NCAM2: variants seen among roughly 807,000 people sequenced by gnomAD.
NCAM2 encodes N-CAM-2.
In NCAM2, 30 loss-of-function variants were observed where a neutral mutation model predicts 98.1. The observed-to-expected ratio is 0.31, with a 90% CI of 0.23 to 0.41. The LOEUF (loss-of-function observed/expected upper bound fraction) is 0.41, where lower values mean the gene tolerates loss of function less well. Among genes scored for constraint, NCAM2 ranks in the 10% least tolerant of loss-of-function variants. The probability of loss-of-function intolerance (pLI) is 1.00; values close to 1 mark genes in which losing one functional copy is unlikely to be tolerated. For synonymous variants in NCAM2, 368 were observed against 342.4 expected (o/e 1.07, Z -0.83); for missense variants, 867 against 1,005.8 (o/e 0.86, Z 1.87).
intron 15 of NCAM2, among the ~76,000 whole-genome samples, chr21:21,491,091 T>C (rs949132700): frequency 6.6e-6 from 1 of 151,816 alleles, no homozygotes; most frequent in Non-Finnish European, 1.5e-5. Flanking sequence ...TAGGAGCAGG[T>C]AATAAACTTA....
At chr21:21,220,781 G>T (rs962346361) in intron 1 of NCAM2, among the ~76,000 whole-genome samples, 4 of 152,164 alleles carry the variant, frequency 2.6e-5, no homozygotes, top group Admixed American at 6.5e-5. Context: ...TGGGGCCTTA[G>T]ATTCTGCATT....
intron 16 of NCAM2, among the ~76,000 whole-genome samples, chr21:21,517,268 T>C (rs544731792): frequency 5.3e-5 from 8 of 152,344 alleles, no homozygotes; most frequent in African/African-American, 1.9e-4. Context: ...ATTTGTCATA[T>C]TCTTATATCC....
chr21:21,182,520 C>G (rs1448169841), intron 1 of NCAM2, among the ~76,000 whole-genome samples: 3 of 152,112 alleles, frequency 2.0e-5, no homozygotes, highest in Non-Finnish European at 4.4e-5. Flanking sequence ...CTTTGATATT[C>G]ATCTCTATTA....
chr21:21,416,296 G>T (rs2076992380), intron 10 of NCAM2, among the ~76,000 whole-genome samples: 1 of 152,056 alleles, frequency 6.6e-6, no homozygotes, highest in Non-Finnish European at 1.5e-5. Context: ...CACAGTTTGT[G>T]GTTCTCCAAA....
chr21:21,383,345 A>G (rs540291053), intron 9 of NCAM2, among the ~76,000 whole-genome samples: 39 of 152,218 alleles, frequency 2.6e-4, no homozygotes, highest in African/African-American at 8.9e-4. Flanking sequence ...CAGAATTTTG[A>G]CATACCCTTC....
At chr21:21,438,595 G>A (rs998408831) in intron 12 of NCAM2, among the ~76,000 whole-genome samples, 30 of 152,308 alleles carry the variant, frequency 2.0e-4, no homozygotes, top group African/African-American at 7.2e-4. Context: ...TTCATTTTGA[G>A]TGAGAAACAT....
chr21:21,266,874 AAAT>A (rs1292783457), intron 1 of NCAM2, among the ~76,000 whole-genome samples: 1 of 152,316 alleles, frequency 6.6e-6, no homozygotes, highest in Non-Finnish European at 1.5e-5. Flanking sequence ...GTATAATAAA[AAAT>A]AATAATAATT....
intron 1 of NCAM2, among the ~76,000 whole-genome samples, chr21:21,253,138 C>A (rs985335543): frequency 6.6e-6 from 1 of 152,022 alleles, no homozygotes; most frequent in African/African-American, 2.4e-5. Context: ...TTACTGTTAT[C>A]CTTCTTTTTA....
At chr21:21,341,978 G>C (rs557484410) in intron 8 of NCAM2, among the ~76,000 whole-genome samples, 1 of 152,130 alleles carries the variant, frequency 6.6e-6, no homozygotes, top group African/African-American at 2.4e-5. Context: ...AAAAAGGAGT[G>C]GTTAGGAAGT....
At chr21:21,322,687 C>T (rs2074407697) in intron 5 of NCAM2, among the ~76,000 whole-genome samples, 6 of 152,124 alleles carry the variant, frequency 3.9e-5, no homozygotes. Context: ...CTGAACCAAA[C>T]AAGCTGTGAC....
intron 4 of NCAM2, among the ~76,000 whole-genome samples, chr21:21,286,679 G>A (rs1235032269): frequency 1.3e-5 from 2 of 151,908 alleles, no homozygotes; most frequent in African/African-American, 4.8e-5. Context: ...AGGCATAGTT[G>A]AGAAGCTGTG....
intron 1 of NCAM2, among the ~76,000 whole-genome samples, chr21:21,057,899 C>A (rs1348295320): frequency 1.3e-5 from 2 of 152,114 alleles, no homozygotes; most frequent in Middle Eastern, 3.4e-3. Flanking sequence ...TTCCCTACCC[C>A]TTATGGAGAC....
intron 12 of NCAM2, among the ~76,000 whole-genome samples, chr21:21,440,752 A>G (rs913152775): frequency 6.6e-6 from 1 of 152,086 alleles, no homozygotes. Context: ...AAAGAAAAGA[A>G]AAAAATGGAT....
intron 1 of NCAM2, among the ~76,000 whole-genome samples, chr21:21,261,031 CA>C (rs575642426): frequency 6.7e-6 from 1 of 148,240 alleles, no homozygotes; most frequent in African/African-American, 2.5e-5. Context: ...AAATGTAAAA[CA>C]AAAAAAAGAA....
chr21:21,074,206 G>A (rs915013964), intron 1 of NCAM2, among the ~76,000 whole-genome samples: 15 of 151,730 alleles, frequency 9.9e-5, no homozygotes, highest in Non-Finnish European at 2.1e-4. Context: ...ATAAAGAATT[G>A]TAATTTAATA....
At chr21:21,245,348 T>C (rs1383007852) in intron 1 of NCAM2, among the ~76,000 whole-genome samples, 1 of 152,214 alleles carries the variant, frequency 6.6e-6, no homozygotes, top group South Asian at 2.1e-4. Flanking sequence ...TGTTCATATG[T>C]GAGTGATTGC....
At chr21:21,061,174 C>T (rs9680264) in intron 1 of NCAM2, among the ~76,000 whole-genome samples, 8,795 of 152,072 alleles carry the variant, frequency 0.058, 596 homozygotes, top group African/African-American at 0.16. Flanking sequence ...AGCATCAATC[C>T]ACATCATCTG....
At chr21:21,255,961 C>T (rs1304209313) in intron 1 of NCAM2, among the ~76,000 whole-genome samples, 3 of 152,170 alleles carry the variant, frequency 2.0e-5, no homozygotes, top group Non-Finnish European at 2.9e-5. Flanking sequence ...TAACTGCCTC[C>T]TTAGTGTAAG....
At chr21:21,480,830 C>T (rs1236964311) in intron 15 of NCAM2, among the ~76,000 whole-genome samples, 1 of 152,166 alleles carries the variant, frequency 6.6e-6, no homozygotes, top group African/African-American at 2.4e-5. Flanking sequence ...TGGATTCAGT[C>T]AGTAATGACT....
Sources: gnomAD v4.1 joint callset for allele counts (sites outside exome capture counted in the v4.1 genomes callset) on GRCh38, gnomAD v4.1.1 for gene constraint, MANE v1.5 for transcripts, NCBI Gene and HGNC (gene_info 2026-07-23, HGNC 2026-07-21) for gene names.